RABGAP1L: variants seen among roughly 807,000 people sequenced by gnomAD.
RABGAP1L encodes rab GTPase-activating protein 1-like.
In RABGAP1L, 63 loss-of-function variants were observed where a neutral mutation model predicts 137.7. The observed-to-expected ratio is 0.46, with a 90% CI of 0.37 to 0.56. The LOEUF (loss-of-function observed/expected upper bound fraction) is 0.56, where lower values mean the gene tolerates loss of function less well. Ranked by LOEUF, RABGAP1L falls within the 20% of genes least tolerant of loss-of-function variation. The pLI is 0.00. For missense variants in RABGAP1L, 1,095 were observed against 1,244.0 expected, an observed-to-expected ratio of 0.88 and a Z score of 1.80; for synonymous variants, 431 against 433.7, an observed-to-expected ratio of 0.99 and a Z score of 0.08.
At chr1:174,781,399 C>G (rs562712978) in intron 18 of RABGAP1L, among the ~76,000 whole-genome samples, 1 of 152,268 alleles carries the variant, frequency 6.6e-6, no homozygotes, top group South Asian at 2.1e-4. Flanking sequence ...TATCCTTCAC[C>G]CACTTTTTGA....
chr1:174,633,774 G>T, intron 13 of RABGAP1L, among the ~76,000 whole-genome samples: 1 of 141,624 alleles, frequency 7.1e-6, no homozygotes, highest in Non-Finnish European at 1.5e-5. Flanking sequence ...AGAAAAACAA[G>T]CAGTGGGGAA....
At chr1:174,362,980 G>T (rs1684279015) in intron 11 of RABGAP1L, among the ~76,000 whole-genome samples, 2 of 152,224 alleles carry the variant, frequency 1.3e-5, no homozygotes, top group East Asian at 1.9e-4. Flanking sequence ...GTAAGGAAGG[G>T]GTCCAGTTTT....
chr1:174,249,510 T>TA, intron 5 of RABGAP1L, among the ~76,000 whole-genome samples: 1 of 152,296 alleles, frequency 6.6e-6, no homozygotes. Context: ...TATAAATAAA[T>TA]ACAGTTTATT....
intron 13 of RABGAP1L, among the ~76,000 whole-genome samples, chr1:174,474,818 G>C (rs2149316192): frequency 6.6e-6 from 1 of 152,028 alleles, no homozygotes; most frequent in African/African-American, 2.4e-5. Flanking sequence ...GGCCAGGATG[G>C]TCTCGATCTC....
chr1:174,516,120 T>TACACACACACAC (rs61414923), intron 13 of RABGAP1L, among the ~76,000 whole-genome samples: 1,534 of 133,266 alleles, frequency 0.012, 23 homozygotes, highest in African/African-American at 0.028. Flanking sequence ...ACTGAAGCTC[T>TACACACACACAC]ACACACACAC....
At chr1:174,900,531 A>G (rs898452099) in intron 19 of RABGAP1L, among the ~76,000 whole-genome samples, 1 of 152,216 alleles carries the variant, frequency 6.6e-6, no homozygotes, top group African/African-American at 2.4e-5. Context: ...TTGCAAAGCC[A>G]TTCACATTCC....
chr1:174,917,352 G>C (rs1168306388), intron 19 of RABGAP1L, among the ~76,000 whole-genome samples: 1 of 152,132 alleles, frequency 6.6e-6, no homozygotes, highest in Non-Finnish European at 1.5e-5. Context: ...GTATACATCA[G>C]AATATATAAT....
intron 17 of RABGAP1L, among the ~76,000 whole-genome samples, chr1:174,720,290 T>TAGATAGATAGATAGAC (rs368112419): frequency 0.013 from 1,818 of 141,660 alleles, 19 homozygotes; most frequent in East Asian, 0.025. Flanking sequence ...GATAGATAGA[T>TAGATAGATAGATAGAC]AGACAGACAG....
intron 13 of RABGAP1L, among the ~76,000 whole-genome samples, chr1:174,520,663 G>A (rs941884437): frequency 6.6e-6 from 1 of 152,108 alleles, no homozygotes; most frequent in Admixed American, 6.5e-5. Flanking sequence ...AAAATGGCGT[G>A]TGAATAATCT....
At chr1:174,873,754 G>T (rs767095449) in intron 19 of RABGAP1L, among the ~76,000 whole-genome samples, 9 of 151,828 alleles carry the variant, frequency 5.9e-5, no homozygotes, top group Non-Finnish European at 1.5e-5. Context: ...TGTGATCCAC[G>T]CACCTCGTCC....
At chr1:174,912,690 A>T (rs1476661838) in intron 19 of RABGAP1L, among the ~76,000 whole-genome samples, 1 of 152,236 alleles carries the variant, frequency 6.6e-6, no homozygotes, top group African/African-American at 2.4e-5. Context: ...AAAGGGATTC[A>T]TTTAACAGTA....
chr1:174,378,261 T>C (rs1685753792), intron 12 of RABGAP1L, among the ~76,000 whole-genome samples: 2 of 151,582 alleles, frequency 1.3e-5, no homozygotes, highest in East Asian at 1.9e-4. Flanking sequence ...TGTATGTGTC[T>C]TTATAGCAGC....
intron 8 of RABGAP1L, among the ~76,000 whole-genome samples, chr1:174,273,124 T>A (rs1257502297): frequency 6.6e-6 from 1 of 152,086 alleles, no homozygotes; most frequent in African/African-American, 2.4e-5. Flanking sequence ...AGAGTAAGTA[T>A]AAAGTTTCTT....
At chr1:174,350,098 C>A (rs1179040209) in intron 11 of RABGAP1L, among the ~76,000 whole-genome samples, 1 of 139,174 alleles carries the variant, frequency 7.2e-6, no homozygotes, top group African/African-American at 2.7e-5. Flanking sequence ...CTGACCCCCC[C>A]ACCTCCCTCC....
intron 1 of RABGAP1L, among the ~76,000 whole-genome samples, chr1:174,182,883 T>C (rs1666489519): frequency 6.6e-6 from 1 of 152,240 alleles, no homozygotes; most frequent in Non-Finnish European, 1.5e-5. Context: ...TAAAGTTTCT[T>C]AAGACATTTT....
intron 17 of RABGAP1L, among the ~76,000 whole-genome samples, chr1:174,706,224 A>G (rs754954044): frequency 1.3e-5 from 2 of 152,174 alleles, no homozygotes; most frequent in Non-Finnish European, 2.9e-5. Context: ...GACCTTGACA[A>G]TGCAGCCTGA....
chr1:174,227,694 C>G (rs952934349), intron 3 of RABGAP1L, among the ~76,000 whole-genome samples: 2 of 151,932 alleles, frequency 1.3e-5, no homozygotes, highest in Non-Finnish European at 2.9e-5. Flanking sequence ...AGTATTTGCT[C>G]TGGAGTTTAT....
chr1:174,420,927 G>A (rs1390133890), intron 13 of RABGAP1L, among the ~76,000 whole-genome samples: 1 of 152,046 alleles, frequency 6.6e-6, no homozygotes, highest in Non-Finnish European at 1.5e-5. Context: ...TGCCCTCCTT[G>A]GCCTCCCAAA....
At chr1:174,625,552 C>T (rs780102940) in intron 13 of RABGAP1L, among the ~76,000 whole-genome samples, 1 of 152,138 alleles carries the variant, frequency 6.6e-6, no homozygotes, top group Non-Finnish European at 1.5e-5. Context: ...CCCATCTCAG[C>T]CTACCAAGGT....
Sources: allele counts gnomAD v4.1 joint callset (sites outside exome capture counted in the v4.1 genomes callset), GRCh38; gene constraint gnomAD v4.1.1; transcripts MANE v1.5; gene names NCBI Gene and HGNC (gene_info 2026-07-23, HGNC 2026-07-21).